Variants in PACS1 observed in about 807,000 individuals in gnomAD.
PACS1 encodes the protein phosphofurin acidic cluster sorting protein 1.
Under a neutral mutation model 115.0 loss-of-function variants are expected in PACS1, and 24 were observed. The ratio of observed to expected loss-of-function variants is 0.21; its 90% CI spans 0.15 to 0.29. The LOEUF is 0.29. Ranked by LOEUF, PACS1 falls within the 10% of genes least tolerant of loss-of-function variation. PACS1 has a pLI of 1.00. For missense variants in PACS1, 838 were observed against 1,251.2 expected, an observed-to-expected ratio of 0.67 and a Z score of 4.98; for synonymous variants, 453 against 504.5, an observed-to-expected ratio of 0.90 and a Z score of 1.37.
At chr11:66,084,463 A>G (rs567922264) in intron 1 of PACS1, among the ~76,000 whole-genome samples, 13 of 152,280 alleles carry the variant, frequency 8.5e-5, no homozygotes, top group African/African-American at 2.4e-4. Flanking sequence ...GCGAGGAGGC[A>G]TGATGGTCAC....
intron 1 of PACS1, among the ~76,000 whole-genome samples, chr11:66,162,508 T>A (rs1052628433): frequency 6.6e-6 from 1 of 152,006 alleles, no homozygotes; most frequent in Non-Finnish European, 1.5e-5. Context: ...AAGGTTGGAG[T>A]GACAGGGCCA....
intron 1 of PACS1, among the ~76,000 whole-genome samples, chr11:66,145,846 A>T (rs1348274397): frequency 1.3e-5 from 2 of 152,226 alleles, no homozygotes; most frequent in African/African-American, 4.8e-5. Flanking sequence ...GCTGTGTGTC[A>T]GCAAGTCAGG....
intron 3 of PACS1, 122 bp from the exon 4 acceptor site, chr11:66,211,012 C>T (rs536017017): frequency 7.6e-5 from 89 of 1,176,020 alleles, no homozygotes; most frequent in Non-Finnish European, 1.1e-4. Context: ...CTCCTTTCAA[C>T]CCTGACTGCC....
chr11:66,154,943 T>A lies in PACS1; in HGVS notation c.357-38543T>A, dbSNP rs145003234. Reference sequence around the variant, plus strand: ...TGTGATACTGGCAAAATAATAGACATGTACATAAATGAGAAGATGGAATCC... The same window carrying A: ...TGTGATACTGGCAAAATAATAGACAAGTACATAAATGAGAAGATGGAATCC... On this transcript the variant is annotated intron_variant, in intron 1 of 23. Coordinates refer to ENST00000320580, the MANE Select transcript of PACS1 (RefSeq NM_018026.4). Among the ~76,000 whole-genome samples, 8 of 152,228 alleles carry A rather than the reference T, an allele frequency of 5.3e-5. No homozygotes were observed. In the East Asian group the frequency reaches 5.8e-4, roughly 11 times the overall value.
At chr11:66,078,887 G>A (rs472853) in intron 1 of PACS1, among the ~76,000 whole-genome samples, 2,081 of 152,182 alleles carry the variant, frequency 0.014, 39 homozygotes, top group African/African-American at 0.047. Context: ...ATAGGAAGGC[G>A]TTTTTTCTTT....
chr11:66,086,730 C>T (rs972163865), intron 1 of PACS1, among the ~76,000 whole-genome samples: 2 of 152,208 alleles, frequency 1.3e-5, no homozygotes, highest in African/African-American at 2.4e-5. Flanking sequence ...ATTCTCGTGC[C>T]TCAGCCTCCT....
chr11:66,079,301 A>C (rs1318674628), intron 1 of PACS1, among the ~76,000 whole-genome samples: 1 of 42,434 alleles, frequency 2.4e-5, no homozygotes, highest in African/African-American at 6.3e-5. Context: ...TCTTTGTAGC[A>C]GGTTTTTTTT....
chr11:66,120,238 C>A (rs185605183), intron 1 of PACS1, among the ~76,000 whole-genome samples: 1 of 151,638 alleles, frequency 6.6e-6, no homozygotes, highest in East Asian at 1.9e-4. Flanking sequence ...ACCTCTGCCC[C>A]CTGTGTGCCA....
At chr11:66,228,176 G>C (rs2134730537) in intron 11 of PACS1, among the ~76,000 whole-genome samples, 1 of 151,990 alleles carries the variant, frequency 6.6e-6, no homozygotes, top group East Asian at 2.0e-4. Context: ...AGGTACAGGG[G>C]ATGCAAACTG....
intron 1 of PACS1, among the ~76,000 whole-genome samples, chr11:66,087,743 A>C (rs1423372970): frequency 6.6e-6 from 1 of 152,158 alleles, no homozygotes; most frequent in African/African-American, 2.4e-5. Context: ...TACTGTGGGC[A>C]TTCTTGTACA....
chr11:66,236,661 T>C lies in PACS1; in HGVS notation c.2250+721T>C, dbSNP rs1855710735. Among the ~76,000 whole-genome samples the C allele has an allele frequency of 6.6e-6, 1 of 152,218 alleles. No homozygotes were observed. Among genetic ancestry groups the C allele is most frequent in the Non-Finnish European group, 1.5e-5 (1 of 68,040 alleles). On this transcript the variant is annotated intron_variant, in intron 19 of 23. Coordinates refer to ENST00000320580, the MANE Select transcript of PACS1 (RefSeq NM_018026.4). This position sits in a 1 kb window ranked among gnomAD's most constrained non-coding sequence, Gnocchi z 4.2. ...GGGGTCCGGGGGAGCTGTGCAGTCC[T>C]GCCAGAGGCCAGAGCATGGCACCGG...
chr11:66,234,254 G>T lies in PACS1; in HGVS notation c.2104+12G>T. On this transcript the variant is annotated intron_variant, in intron 17 of 23. Coordinates refer to ENST00000320580, the MANE Select transcript of PACS1 (RefSeq NM_018026.4). ...GCCACCAGTGTCAGGTAATGGCCCC[G>T]TGTAAGGAGCTTACTCCCACCCCCG... 8 of 1,584,430 alleles carry T rather than the reference G, an allele frequency of 5.0e-6. No homozygotes were observed. Among genetic ancestry groups the T allele is most frequent in the Non-Finnish European group, 6.9e-6 (8 of 1,152,840 alleles).
chr11:66,098,990 CTGTTTTTCTTACTGTAATGCCAT>C (rs1377910159), intron 1 of PACS1, among the ~76,000 whole-genome samples: 6 of 152,264 alleles, frequency 3.9e-5, no homozygotes, highest in Non-Finnish European at 7.4e-5. Context: ...CCAGGTATCT[CTGTTTTTCTTACTGTAATGCCAT>C]TGTTTTTCTT....
At chr11:66,102,893 C>T (rs573366082) in intron 1 of PACS1, among the ~76,000 whole-genome samples, 4 of 152,222 alleles carry the variant, frequency 2.6e-5, no homozygotes, top group South Asian at 2.1e-4. Flanking sequence ...TACAGTGGCA[C>T]GATCTCAGCT....
chr11:66,235,665 C>G lies in PACS1; in HGVS notation c.2208-233C>G, dbSNP rs987534764. 1 of 611,872 alleles carries G rather than the reference C, an allele frequency of 1.6e-6. No homozygotes were observed. The highest frequency in any genetic ancestry group is 1.8e-5 in the African/African-American group (1 of 54,282). The allele number at this position is 611,872 out of a possible 1,614,324, so 37.9% of individuals were successfully genotyped here. A position where few individuals can be genotyped will look rare whatever the true frequency, so the allele number is the denominator to read the frequency against. On this transcript the variant is annotated intron_variant, in intron 18 of 23. Transcript: ENST00000320580. The surrounding 1 kb of genome is among the most constrained non-coding windows in gnomAD (Gnocchi z 5.6). ...CCCATCCTCATAGCTGGAACTCAGA[C>G]GTGGGAAGCAGGGAGCGTAGCTTGC...
intron 1 of PACS1, among the ~76,000 whole-genome samples, chr11:66,078,485 T>C (rs1311100624): frequency 1.3e-5 from 2 of 152,238 alleles, no homozygotes; most frequent in African/African-American, 4.8e-5. Context: ...TGAGTAGGAT[T>C]TCCCCCAGCT....
At chr11:66,194,206 C>T (rs745821667) in intron 2 of PACS1, among the ~76,000 whole-genome samples, 2 of 152,132 alleles carry the variant, frequency 1.3e-5, no homozygotes, top group African/African-American at 2.4e-5. Flanking sequence ...CCTCATGATC[C>T]GCTTGCCTCA....
chr11:66,219,065 G>A (rs1359352129), intron 7 of PACS1, among the ~76,000 whole-genome samples: 3 of 152,052 alleles, frequency 2.0e-5, no homozygotes, highest in African/African-American at 7.2e-5. Context: ...TAGTCGGAGG[G>A]TAGCATGAGC....
Position 66,235,216 on chromosome 11 carries a change from C to T in PACS1, c.2105-85C>T, listed in dbSNP as rs1023960770. 1.5e-5 allele frequency: 14 copies of T among 959,734 alleles called. No homozygotes were observed. The highest frequency in any genetic ancestry group is 2.3e-5 in the Non-Finnish European group (14 of 596,696). The allele number at this position is 959,734 out of a possible 1,614,324, so 59.5% of individuals were successfully genotyped here. On this transcript the variant is annotated intron_variant, in intron 17 of 23. Transcript: ENST00000320580. The surrounding 1 kb of genome is among the most constrained non-coding windows in gnomAD (Gnocchi z 5.6). ...TCAACTCCTAGAGTCTGACGGGTCT[C>T]AGGAAGGGATCCCTCTCCGAGAGGG...
Sources: gnomAD v4.1 joint callset for allele counts (sites outside exome capture counted in the v4.1 genomes callset) on GRCh38, gnomAD v4.1.1 for gene constraint, Gnocchi (gnomAD v3.1) non-coding constraint, MANE v1.5 for transcripts, NCBI Gene and HGNC (gene_info 2026-07-23, HGNC 2026-07-21) for gene names.